ATP8A1: variants seen among roughly 807,000 people sequenced by gnomAD.
The protein encoded by ATP8A1 is phospholipid-transporting ATPase IA.
A neutral mutation model predicts 177.7 loss-of-function variants in ATP8A1; 90 were observed. That is an observed-to-expected ratio of 0.51 (90% CI 0.43 to 0.60). The LOEUF is 0.60. Ranked by LOEUF, ATP8A1 falls within the 20% of genes least tolerant of loss-of-function variation. ATP8A1 has a pLI of 0.00. For synonymous variants in ATP8A1, 493 were observed against 485.9 expected, an observed-to-expected ratio of 1.01 and a Z score of -0.19; for missense variants, 1,072 against 1,392.8, an observed-to-expected ratio of 0.77 and a Z score of 3.67.
At chr4:42,479,536 C>A (rs1288260672) in intron 25 of ATP8A1, among the ~76,000 whole-genome samples, 1 of 152,154 alleles carries the variant, frequency 6.6e-6, no homozygotes, top group East Asian at 1.9e-4. Context: ...CTTAGCAAAT[C>A]AGAACTGTCA....
At position 42,656,883 on chromosome 4, in the gene ATP8A1, G is replaced by C. The variant is rs1232103587; in HGVS notation, c.-10C>G. 1 of 1,580,438 alleles carries C rather than the reference G, an allele frequency of 6.3e-7. No individual in the cohort carries two copies. The highest frequency in any genetic ancestry group is 8.6e-7 in the Non-Finnish European group (1 of 1,163,672). Reference sequence around the variant, plus strand: ...TCCGCATGGTGGGCATCGCGGCGGCGGCTGCAGGTGGGTCCTCAGCCCGGA... The same window carrying C: ...TCCGCATGGTGGGCATCGCGGCGGCCGCTGCAGGTGGGTCCTCAGCCCGGA... On this transcript the variant is annotated 5_prime_UTR_variant, in exon 1 of 37. Coordinates refer to ENST00000381668, the MANE Select transcript of ATP8A1 (RefSeq NM_006095.2).
At chr4:42,587,067 A>G (rs991879242) in intron 8 of ATP8A1, among the ~76,000 whole-genome samples, 3 of 152,208 alleles carry the variant, frequency 2.0e-5, no homozygotes, top group Non-Finnish European at 4.4e-5. Flanking sequence ...CCAAAGGCAT[A>G]CATTTTTAAA....
In ATP8A1 at chr4:42,624,583, A is replaced by G; in HGVS notation, c.316T>C (p.Leu106=). The stretch of plus-strand genomic sequence containing the variant: ...ATAGCTGCCACAGCTAAAATAAATA[A>G]GAGAGGAACCAGTGTTGTATAACGA... ...TGRYTTLVPL[L]FILAVAAIKE... is the part of the protein sequence containing the mutation. The change falls in exon 4 of 37, where the codon TTA becomes CTA. Residue 106 remains leucine (L), a synonymous_variant. Coordinates refer to ENST00000381668, the MANE Select transcript of ATP8A1 (RefSeq NM_006095.2). 6.6e-7 allele frequency: 1 copy of G among 1,503,894 alleles called. No homozygotes were observed. 93.2% of individuals were successfully genotyped at this position (1,503,894 alleles called of 1,614,324 possible).
intron 35 of ATP8A1, among the ~76,000 whole-genome samples, chr4:42,415,620 G>T (rs534287610): frequency 4.6e-4 from 70 of 152,154 alleles, no homozygotes; most frequent in African/African-American, 1.5e-3. Flanking sequence ...AACATAATAG[G>T]CATGAGAAAC....
At chr4:42,499,018 T>C (rs75894490) in intron 24 of ATP8A1, among the ~76,000 whole-genome samples, 2,494 of 152,306 alleles carry the variant, frequency 0.016, 17 homozygotes, top group Middle Eastern at 0.037. Flanking sequence ...ATTGTCCCTA[T>C]AAAGTCCTCA....
Position 42,654,352 on chromosome 4 carries a change from T to C in ATP8A1, c.49+2473A>G, listed in dbSNP as rs1188422013. 3.3e-5 allele frequency among the ~76,000 whole-genome samples: 5 copies of C among 152,174 alleles called. No homozygotes were observed. In the East Asian group the frequency reaches 9.6e-4, roughly 29 times the overall value. The stretch of plus-strand genomic sequence containing the variant: ...TTTGGTTGTAAACAACTTACAGGCA[T>C]GACAGTCATACATCTGGCCAATCTG... On this transcript the variant is annotated intron_variant, in intron 1 of 36. Coordinates refer to ENST00000381668, the MANE Select transcript of ATP8A1 (RefSeq NM_006095.2).
intron 33 of ATP8A1, among the ~76,000 whole-genome samples, chr4:42,440,068 G>T (rs1716449927): frequency 6.6e-6 from 1 of 152,170 alleles, no homozygotes; most frequent in Non-Finnish European, 1.5e-5. Context: ...ACTCTCTCCT[G>T]ATGTTCATGG....
At chr4:42,426,783 A>G (rs1714671071) in intron 33 of ATP8A1, among the ~76,000 whole-genome samples, 1 of 152,238 alleles carries the variant, frequency 6.6e-6, no homozygotes, top group Non-Finnish European at 1.5e-5. Context: ...CATCTCAATA[A>G]TATCACAGCA....
chr4:42,466,031 C>CAAAAAAAA (rs57949092), intron 25 of ATP8A1, among the ~76,000 whole-genome samples: 13 of 108,092 alleles, frequency 1.2e-4, no homozygotes, highest in Admixed American at 5.2e-4. Flanking sequence ...GACTCCGTCT[C>CAAAAAAAA]AAAAAAAAAA....
rs1461175659 is a variant in ATP8A1 at position 42,443,646 on chromosome 4, G to A, written c.3042C>T (p.Ser1014=). 2 of 1,555,754 alleles carry A rather than the reference G, an allele frequency of 1.3e-6. No homozygotes were observed. Among genetic ancestry groups the A allele is most frequent in the Non-Finnish European group, 1.8e-6 (2 of 1,126,828 alleles). ...CAAAAAACACCACCCAGAGTGCGAT[G>A]CTCCCCCATATCGCTATGTGGCTGA... The part of the protein sequence containing the change: ...TWFSHIAIWG[S]IALWVVFFGI... The change falls in exon 33 of 37, where the codon AGC becomes AGT. Residue 1014 remains serine, a synonymous_variant. Coordinates refer to ENST00000381668, the MANE Select transcript of ATP8A1 (RefSeq NM_006095.2).
At chr4:42,422,123 G>C (rs563031321) in intron 35 of ATP8A1, among the ~76,000 whole-genome samples, 1 of 151,882 alleles carries the variant, frequency 6.6e-6, no homozygotes, top group African/African-American at 2.4e-5. Flanking sequence ...GGAGTCTCGC[G>C]CTCTGTTGCC....
Position 42,625,671 on chromosome 4 carries a change from G to A in ATP8A1, c.207C>T (p.Leu69=). ...TAGCAGCTCTTCTGAACTGAGAGTA[G>A]AGAAATCTTGGAAGGAATGTGATTA... ...YNIITFLPRF[L]YSQFRRAANS... The change falls in exon 3 of 37, where the codon CTC becomes CTT. Residue 69 remains leucine, a synonymous_variant. Coordinates refer to ENST00000381668, the MANE Select transcript of ATP8A1 (RefSeq NM_006095.2). 2 of 1,609,180 alleles carry A rather than the reference G, an allele frequency of 1.2e-6. No individual in the cohort carries two copies. The highest frequency in any genetic ancestry group is 1.7e-6 in the Non-Finnish European group (2 of 1,177,614).
chr4:42,457,219 G>C (rs1473288264), intron 27 of ATP8A1, among the ~76,000 whole-genome samples: 1 of 152,128 alleles, frequency 6.6e-6, no homozygotes. Flanking sequence ...TAAAAGAACT[G>C]AGCATCTTCA....
intron 14 of ATP8A1, 61 bp from the exon 15 acceptor site, chr4:42,569,266 CAT>C (rs775577168): frequency 7.4e-7 from 1 of 1,342,326 alleles, no homozygotes. Flanking sequence ...AGGCTGGAAA[CAT>C]AAAACCACGA....
rs995426175 is a variant in ATP8A1 at position 42,559,991 on chromosome 4, C to A, written c.1341-3951G>T. Among the ~76,000 whole-genome samples the A allele has an allele frequency of 2.6e-5, 4 of 152,206 alleles. No homozygotes were observed. The South Asian group carries it at 8.3e-4, about 31-fold the overall frequency. ...AAAGTGCTGGTATTACAGGCGTGAG[C>A]TACTGCACCCAACCCCTACAGTCCA... On this transcript the variant is annotated intron_variant, in intron 15 of 36. Coordinates refer to ENST00000381668, the MANE Select transcript of ATP8A1 (RefSeq NM_006095.2).
intron 34 of ATP8A1, among the ~76,000 whole-genome samples, chr4:42,423,299 T>C (rs1426592351): frequency 2.0e-5 from 3 of 152,170 alleles, no homozygotes; most frequent in Non-Finnish European, 2.9e-5. Flanking sequence ...TAATAAAAAA[T>C]GTTTTTGGAA....
intron 20 of ATP8A1, among the ~76,000 whole-genome samples, chr4:42,535,755 A>G (rs1727758208): frequency 6.6e-6 from 1 of 152,244 alleles, no homozygotes. Context: ...TAGAAATTAT[A>G]GCAAGTACTA....
chr4:42,626,476 G>A (rs1738101825), intron 2 of ATP8A1: 1 of 152,732 alleles, frequency 6.5e-6, no homozygotes, highest in African/African-American at 2.4e-5. Flanking sequence ...CGCATAAGTG[G>A]CCAGTGCTTA....
intron 33 of ATP8A1, among the ~76,000 whole-genome samples, chr4:42,425,927 C>A (rs555409901): frequency 1.3e-5 from 2 of 152,202 alleles, no homozygotes; most frequent in Non-Finnish European, 2.9e-5. Flanking sequence ...GAGGAAGCTG[C>A]AAAGCTGGTA....
Sources: allele counts gnomAD v4.1 joint callset (sites outside exome capture counted in the v4.1 genomes callset), GRCh38; gene constraint gnomAD v4.1.1; transcripts MANE v1.5; gene names NCBI Gene and HGNC (gene_info 2026-07-23, HGNC 2026-07-21).